Variants in SLC26A4 observed in about 807,000 individuals in gnomAD.
SLC26A4 encodes the protein pendrin.
A neutral mutation model predicts 90.4 loss-of-function variants in SLC26A4; 93 were observed. The ratio of observed to expected loss-of-function variants is 1.03; its 90% CI spans 0.87 to 1.22. The LOEUF is 1.22. SLC26A4 is among the 50% of genes most tolerant of loss of function. The pLI, the probability that SLC26A4 is intolerant of heterozygous loss-of-function variation, is 0.00. For synonymous variants in SLC26A4, 393 were observed against 354.6 expected (o/e 1.11, Z -1.22); for missense variants, 1,127 against 946.2 (o/e 1.19, Z -2.51).
chr7:107,684,456 T>G (rs1791340094), intron 8 of SLC26A4, among the ~76,000 whole-genome samples: 1 of 152,192 alleles, frequency 6.6e-6, no homozygotes, highest in Non-Finnish European at 1.5e-5. Context: ...GCAAGCTTAT[T>G]CCCAGAGCTT....
chr7:107,681,832 C>T (rs954517166), intron 6 of SLC26A4, among the ~76,000 whole-genome samples: 2 of 151,616 alleles, frequency 1.3e-5, no homozygotes, highest in African/African-American at 4.8e-5. Context: ...TGCCTGTAAC[C>T]CCAACACTTT....
intron 2 of SLC26A4, among the ~76,000 whole-genome samples, chr7:107,662,403 A>G (rs778490652): frequency 6.6e-6 from 1 of 152,230 alleles, no homozygotes; most frequent in Non-Finnish European, 1.5e-5. Flanking sequence ...CTTTCATTAT[A>G]GAACATTTCA....
chr7:107,681,278 G>C (rs182742629), intron 6 of SLC26A4, among the ~76,000 whole-genome samples: 1 of 152,184 alleles, frequency 6.6e-6, no homozygotes, highest in Non-Finnish European at 1.5e-5. Context: ...CAAGTGTTTG[G>C]TGGGAGGTAT....
At chr7:107,673,325 T>C in intron 4 of SLC26A4, among the ~76,000 whole-genome samples, 1 of 152,098 alleles carries the variant, frequency 6.6e-6, no homozygotes, top group East Asian at 1.9e-4. Context: ...CAGATTGACA[T>C]TTGATATGAA....
chr7:107,701,763 G>C, intron 16 of SLC26A4, 64 bp from the exon 17 acceptor site: 1 of 1,072,578 alleles, frequency 9.3e-7, no homozygotes, highest in Non-Finnish European at 1.4e-6. Flanking sequence ...TGGATAATTT[G>C]ATATGAATGG....
intron 13 of SLC26A4, among the ~76,000 whole-genome samples, chr7:107,697,809 G>A (rs1169554759): frequency 6.6e-6 from 1 of 152,156 alleles, no homozygotes; most frequent in Non-Finnish European, 1.5e-5. Context: ...CAAGTATGAT[G>A]CTCATTATTT....
intron 6 of SLC26A4, among the ~76,000 whole-genome samples, chr7:107,680,097 TCTTATCTTATTATATAATATAA>T (rs1791167743): frequency 1.1e-5 from 1 of 93,670 alleles, no homozygotes. Context: ...TATTATATAA[TCTTATCTTATTATATAATATAA>T]TCTTATCTTA....
chr7:107,688,348 A>C (rs1351069685), intron 8 of SLC26A4, among the ~76,000 whole-genome samples: 1 of 152,168 alleles, frequency 6.6e-6, no homozygotes. Flanking sequence ...CCATATGGAT[A>C]GTCATCAAGA....
In SLC26A4 at chr7:107,661,449, A is replaced by C. The variant is rs888972291; in HGVS notation, c.-3-190A>C. On this transcript the variant is annotated intron_variant, in intron 1 of 20. Transcript: ENST00000644269. This position sits in a 1 kb window ranked among gnomAD's most constrained non-coding sequence, Gnocchi z 5.1. The stretch of plus-strand genomic sequence containing the variant: ...CGAAGGTTCTCAGGTGCCCCCCTGC[A>C]GGCTGGCCGTGCGCGCCGTGGGGCG... 1.2e-5 allele frequency: 8 copies of C among 655,498 alleles called. No individual in the cohort carries two copies. The highest frequency in any genetic ancestry group is 1.8e-5 in the African/African-American group (1 of 55,726). 40.6% of individuals were successfully genotyped at this position (655,498 alleles called of 1,614,324 possible). A position where few individuals can be genotyped will look rare whatever the true frequency, so the allele number is the denominator to read the frequency against.
Position 107,710,152 on chromosome 7 carries a change from C to G in SLC26A4, c.2188C>G (p.Gln730Glu). 1 of 1,608,962 alleles carries G rather than the reference C, an allele frequency of 6.2e-7. No homozygotes were observed. The highest frequency in any genetic ancestry group is 8.5e-7 in the Non-Finnish European group (1 of 1,175,334). ...GGTCCATGATGCTATACTCTATCTA[C>G]AGAACCAAGTGAAATCTCAAGAGGG... Reference protein sequence around the residue: ...LTVHDAILYLQNQVKSQEGQG... With the variant: ...LTVHDAILYLENQVKSQEGQG... The change falls in exon 19 of 21, where the codon CAG (glutamine) becomes GAG (glutamate). Residue 730 changes from glutamine (Q) to glutamate (E), a missense_variant. Gln to Glu is a conservative substitution (Grantham distance 29). Coordinates refer to ENST00000644269, the MANE Select transcript of SLC26A4 (RefSeq NM_000441.2).
chr7:107,672,875 A>G (rs557087428), intron 4 of SLC26A4, among the ~76,000 whole-genome samples: 114 of 152,310 alleles, frequency 7.5e-4, no homozygotes, highest in Non-Finnish European at 1.2e-3. Flanking sequence ...TGAGTGTTTT[A>G]ATGCTATTTT....
intron 3 of SLC26A4, among the ~76,000 whole-genome samples, chr7:107,663,831 C>G (rs1790640507): frequency 6.6e-6 from 1 of 152,148 alleles, no homozygotes; most frequent in Non-Finnish European, 1.5e-5. Flanking sequence ...CTACAGGCGC[C>G]CGCCACTACG....
chr7:107,667,460 T>TAAA (rs1562820547), intron 3 of SLC26A4, among the ~76,000 whole-genome samples: 6,777 of 26,390 alleles, frequency 0.26, 1,539 homozygotes, highest in East Asian at 0.4. Context: ...GAGAGAAGGT[T>TAAA]TAAAAAAAAA....
intron 18 of SLC26A4, among the ~76,000 whole-genome samples, chr7:107,705,415 T>A (rs529797217): frequency 6.6e-6 from 1 of 152,348 alleles, no homozygotes; most frequent in Admixed American, 6.5e-5. Context: ...ACTGCTATTA[T>A]GACTATCAGG....
intron 6 of SLC26A4, among the ~76,000 whole-genome samples, chr7:107,678,437 C>G (rs543406012): frequency 3.3e-5 from 5 of 152,182 alleles, no homozygotes; most frequent in African/African-American, 1.2e-4. Context: ...TTTCAGGACC[C>G]CTGCAGAACA....
chr7:107,702,392 A>G (rs543767289), intron 17 of SLC26A4, among the ~76,000 whole-genome samples: 1 of 152,326 alleles, frequency 6.6e-6, no homozygotes, highest in Non-Finnish European at 1.5e-5. Flanking sequence ...TAAGGTGTTT[A>G]GAAGAGTGTC....
intron 6 of SLC26A4, among the ~76,000 whole-genome samples, chr7:107,677,637 G>A (rs1456354682): frequency 6.9e-6 from 1 of 145,252 alleles, no homozygotes; most frequent in East Asian, 2.0e-4. Flanking sequence ...ACAGGGTCTT[G>A]CCCCATTGCC....
At chr7:107,700,652 A>C (rs1473347833) in intron 15 of SLC26A4, among the ~76,000 whole-genome samples, 1 of 152,230 alleles carries the variant, frequency 6.6e-6, no homozygotes, top group Non-Finnish European at 1.5e-5. Flanking sequence ...GGAATAAATA[A>C]GTAGAAAATC....
chr7:107,663,249 T>C (rs1790614190), intron 2 of SLC26A4, 47 bp from the exon 3 acceptor site: 2 of 1,611,452 alleles, frequency 1.2e-6, no homozygotes, highest in Non-Finnish European at 1.7e-6. Context: ...GCAAATTGGT[T>C]GTGACTGAGA....
Sources: allele counts gnomAD v4.1 joint callset (sites outside exome capture counted in the v4.1 genomes callset), GRCh38; gene constraint gnomAD v4.1.1; non-coding constraint Gnocchi (gnomAD v3.1); transcripts MANE v1.5; gene names NCBI Gene and HGNC (gene_info 2026-07-23, HGNC 2026-07-21).